Variants in RPGRIP1L observed in about 807,000 individuals in gnomAD.
The protein encoded by RPGRIP1L is protein fantom.
RPGRIP1L carries 131 observed loss-of-function variants against 160.4 expected under a neutral mutation model. The ratio of observed to expected loss-of-function variants is 0.82; its 90% CI spans 0.71 to 0.94. The LOEUF (loss-of-function observed/expected upper bound fraction) is 0.94. RPGRIP1L is among the 40% of genes least tolerant of loss of function. The probability of loss-of-function intolerance (pLI) is 0.00; values close to 1 mark genes in which losing one functional copy is unlikely to be tolerated. For missense variants in RPGRIP1L, 1,522 were observed against 1,535.8 expected (o/e 0.99, Z 0.15); for synonymous variants, 510 against 515.8 (o/e 0.99, Z 0.15).
At chr16:53,604,866 G>A (rs1232919286) in intron 26 of RPGRIP1L, among the ~76,000 whole-genome samples, 1 of 152,054 alleles carries the variant, frequency 6.6e-6, no homozygotes, top group African/African-American at 2.4e-5. Flanking sequence ...CTGAAATGTG[G>A]CTTCCATAAA....
intron 25 of RPGRIP1L, chr16:53,608,020 C>T: frequency 3.1e-5 from 30 of 974,432 alleles, no homozygotes; most frequent in Non-Finnish European, 3.7e-5. Flanking sequence ...GGGCAGATGT[C>T]AAGCACTCAG....
chr16:53,623,486 C>T lies in RPGRIP1L; in HGVS notation c.3295-1130G>A, dbSNP rs1030874108. Among the ~76,000 whole-genome samples, 10 of 152,156 alleles carry T rather than the reference C, an allele frequency of 6.6e-5. 1 individual carries two copies. Among genetic ancestry groups the T allele is most frequent in the African/African-American group, 1.9e-4 (8 of 41,434 alleles). ...AAAAACCAATCAAATATCATCTTTC[C>T]GCCTGAAAATATTCCTATTGCCTTA... On this transcript the variant is annotated intron_variant, in intron 22 of 26. Transcript: ENST00000647211.
chr16:53,664,280 A>G (rs1290716476), intron 10 of RPGRIP1L, among the ~76,000 whole-genome samples: 1 of 152,184 alleles, frequency 6.6e-6, no homozygotes, highest in Admixed American at 6.6e-5. Context: ...AGCATGGGGC[A>G]CAAAACTTTC....
At chr16:53,693,179 G>A (rs1304304080) in intron 3 of RPGRIP1L, 1 of 152,198 alleles carries the variant, frequency 6.6e-6, no homozygotes, top group Non-Finnish European at 1.5e-5. Context: ...GAAAGAAAAG[G>A]TGGCTTTGAT....
rs794727129 is a variant in RPGRIP1L, at chr16:53,656,579, T to C, written c.1592A>G (p.Glu531Gly). The C allele has an allele frequency of 5.6e-6, 9 of 1,605,742 alleles. No homozygotes were observed. The highest frequency in any genetic ancestry group is 1.3e-5 in the African/African-American group (1 of 74,724). Residue 531 changes from glutamate to glycine, a missense_variant, in exon 14 of 27, where the codon GAG becomes GGG. Transcript: ENST00000647211. ...ATTTTCCATCTTACGGGTCACTGCC[T>C]CAACCTCCATCTACAAAATAAGGGA... ...KINKDYQMEV[E>G]AVTRKMENLQ...
intron 1 of RPGRIP1L, among the ~76,000 whole-genome samples, chr16:53,702,486 C>A (rs1326866834): frequency 6.6e-6 from 1 of 152,154 alleles, no homozygotes; most frequent in Non-Finnish European, 1.5e-5. Context: ...CTTATGTTAT[C>A]CTTCTTTGCT....
At position 53,622,336 on chromosome 16, in the gene RPGRIP1L, C is replaced by T. The variant is rs1033191511; in HGVS notation, c.3315G>A (p.Gly1105=). 5 of 636,932 alleles carry T rather than the reference C, an allele frequency of 7.9e-6. No homozygotes were observed. The African/African-American group carries it at 9.1e-5, about 12-fold the overall frequency. The allele number at this position is 636,932 out of a possible 1,614,324, so 39.5% of individuals were successfully genotyped here. A position where few individuals can be genotyped will look rare whatever the true frequency, so the allele number is the denominator to read the frequency against. The change falls in exon 23 of 27, where the codon GGG becomes GGA. Residue 1105 remains glycine, a synonymous_variant. Coordinates refer to ENST00000647211, the MANE Select transcript of RPGRIP1L (RefSeq NM_015272.5). ...CTGAGATCGCGCTACTGCACCCCAG[C>T]CCGGGAGACAATGCGAGACTCTGTC... ...NIKQSLALSP[G]LGCSSAISAH... is the part of the protein sequence containing the mutation.
At chr16:53,615,471 T>C (rs1250638941) in intron 24 of RPGRIP1L, among the ~76,000 whole-genome samples, 1 of 75,518 alleles carries the variant, frequency 1.3e-5, no homozygotes, top group African/African-American at 1.0e-4. Context: ...TATATATATA[T>C]ATTTTTTTTT....
chr16:53,675,196 C>A, intron 6 of RPGRIP1L, 74 bp from the exon 7 acceptor site: 1 of 903,064 alleles, frequency 1.1e-6, no homozygotes, highest in East Asian at 2.5e-5. Context: ...ATGGTGGAAT[C>A]ACAATTTTTC....
At chr16:53,618,656 G>A (rs1348402786) in intron 24 of RPGRIP1L, among the ~76,000 whole-genome samples, 1 of 152,124 alleles carries the variant, frequency 6.6e-6, no homozygotes. Context: ...CAATCCTCCT[G>A]CCTCAGCCTC....
chr16:53,687,608 T>C (rs1466918334), intron 5 of RPGRIP1L, among the ~76,000 whole-genome samples: 4 of 152,162 alleles, frequency 2.6e-5, no homozygotes, highest in Non-Finnish European at 4.4e-5. Flanking sequence ...GACTGGACTT[T>C]ATGCCATTCC....
rs1403169303 is a variant in RPGRIP1L at position 53,696,271 on chromosome 16, T to A, written c.110A>T (p.Lys37Met). Residue 37 changes from lysine to methionine, a missense_variant, in exon 3 of 27, where the codon AAG becomes ATG. By Grantham distance (95) the Lys-to-Met change is moderately conservative. Transcript: ENST00000647211. ...GACACGTGACACTGCCTGGCGAGAC[T>A]TCATTGTCCGTGTTGTTGAAGTTTC... ...LQETSTTRTM[K>M]SRQAVSRVSR... 6.2e-7 allele frequency: 1 copy of A among 1,614,054 alleles called. No individual in the cohort carries two copies.
At chr16:53,613,935 A>G (rs1964205484) in intron 24 of RPGRIP1L, among the ~76,000 whole-genome samples, 1 of 152,220 alleles carries the variant, frequency 6.6e-6, no homozygotes, top group African/African-American at 2.4e-5. Flanking sequence ...CAGAATTTGA[A>G]TCCAGCAATG....
At chr16:53,648,613 TGCGC>T (rs113828309) in intron 16 of RPGRIP1L, among the ~76,000 whole-genome samples, 5,222 of 133,180 alleles carry the variant, frequency 0.039, 131 homozygotes, top group African/African-American at 0.069. Context: ...CGTACGCGCG[TGCGC>T]GCGCGCGCGC....
chr16:53,689,428 T>TTA (rs1970243231), intron 4 of RPGRIP1L, among the ~76,000 whole-genome samples: 1 of 152,164 alleles, frequency 6.6e-6, no homozygotes, highest in Non-Finnish European at 1.5e-5. Context: ...CAGCCTCTAG[T>TTA]AACTATCATT....
intron 2 of RPGRIP1L, among the ~76,000 whole-genome samples, chr16:53,699,749 C>T (rs1380726821): frequency 2.2e-5 from 3 of 139,462 alleles, no homozygotes; most frequent in Admixed American, 8.1e-5. Flanking sequence ...ATCCGGGAGG[C>T]GGAGGTTGTA....
intron 22 of RPGRIP1L, 129 bp from the exon 23 acceptor site, chr16:53,622,485 T>G (rs1248322242): frequency 8.7e-6 from 4 of 458,328 alleles, no homozygotes; most frequent in Non-Finnish European, 1.5e-5. Context: ...TCATACTGTG[T>G]TATTTCCTAT....
chr16:53,614,029 G>A (rs1436740742), intron 24 of RPGRIP1L, among the ~76,000 whole-genome samples: 1 of 152,128 alleles, frequency 6.6e-6, no homozygotes, highest in Non-Finnish European at 1.5e-5. Flanking sequence ...TCCTGTTTAA[G>A]CTGTAGTTAT....
intron 22 of RPGRIP1L, among the ~76,000 whole-genome samples, chr16:53,625,667 G>A (rs1478311063): frequency 1.3e-5 from 2 of 152,216 alleles, no homozygotes; most frequent in Non-Finnish European, 2.9e-5. Context: ...TTGAGAACGG[G>A]CCATGATGAG....
Sources: allele counts gnomAD v4.1 joint callset (sites outside exome capture counted in the v4.1 genomes callset), GRCh38; gene constraint gnomAD v4.1.1; transcripts MANE v1.5; gene names NCBI Gene and HGNC (gene_info 2026-07-23, HGNC 2026-07-21).